STPG2: variants seen among roughly 807,000 people sequenced by gnomAD.
The protein encoded by STPG2 is sperm-tail PG-rich repeat-containing protein 2.
STPG2 carries 56 observed loss-of-function variants against 54.2 expected under a neutral mutation model. That is an observed-to-expected ratio of 1.03 (90% CI 0.83 to 1.29). The LOEUF (loss-of-function observed/expected upper bound fraction) is 1.29, where lower values mean the gene tolerates loss of function less well. Ranked by LOEUF, STPG2 falls within the 50% of genes most tolerant of loss-of-function variation. The probability of loss-of-function intolerance (pLI) is 0.00; values close to 1 mark genes in which losing one functional copy is unlikely to be tolerated. For missense variants in STPG2, 596 were observed against 544.9 expected, an observed-to-expected ratio of 1.09 and a Z score of -0.93; for synonymous variants, 200 against 181.8, an observed-to-expected ratio of 1.10 and a Z score of -0.81.
intron 10 of STPG2, among the ~76,000 whole-genome samples, chr4:97,671,271 A>G (rs1344406249): frequency 3.3e-5 from 5 of 152,228 alleles, no homozygotes; most frequent in African/African-American, 7.2e-5. Flanking sequence ...TGTCATATAT[A>G]TCTACCAATA....
intron 5 of STPG2, among the ~76,000 whole-genome samples, chr4:98,104,755 G>A (rs1230110877): frequency 1.3e-5 from 2 of 152,158 alleles, no homozygotes; most frequent in Admixed American, 6.5e-5. Context: ...GAGCATATAT[G>A]TAATTAGAGG....
intron 7 of STPG2, among the ~76,000 whole-genome samples, chr4:97,964,146 C>A (rs1324509711): frequency 6.6e-6 from 1 of 152,178 alleles, no homozygotes; most frequent in East Asian, 1.9e-4. Flanking sequence ...GAGTCAGAGA[C>A]AAAGGACTTT....
intron 4 of STPG2, among the ~76,000 whole-genome samples, chr4:97,504,929 G>A (rs1730813171): frequency 1.3e-5 from 2 of 151,994 alleles, no homozygotes; most frequent in South Asian, 2.1e-4. Flanking sequence ...GTACAGACAA[G>A]GCAAGCTCAA....
chr4:97,937,764 T>C (rs1732800632), intron 8 of STPG2, among the ~76,000 whole-genome samples: 1 of 152,174 alleles, frequency 6.6e-6, no homozygotes, highest in South Asian at 2.1e-4. Flanking sequence ...CTCTTTCCTC[T>C]GGGATCTCTG....
intron 8 of STPG2, among the ~76,000 whole-genome samples, chr4:97,913,633 T>A (rs949358097): frequency 1.3e-5 from 2 of 152,124 alleles, no homozygotes; most frequent in African/African-American, 4.8e-5. Flanking sequence ...CCAAGGGTCA[T>A]CAGTAGTGGA....
chr4:98,102,790 A>G (rs1739081738), intron 5 of STPG2, among the ~76,000 whole-genome samples: 1 of 149,192 alleles, frequency 6.7e-6, no homozygotes. Flanking sequence ...GAGGCATTGA[A>G]TATTATATAT....
rs568565418 is a variant in STPG2 at position 97,938,745 on chromosome 4, C to T, written c.1044+5152G>A. Among the ~76,000 whole-genome samples the T allele has an allele frequency of 2.6e-5, 4 of 152,250 alleles. No individual in the cohort carries two copies. The South Asian group carries it at 6.2e-4, about 24-fold the overall frequency. ...CATGTGGCTCTCAGGTGGGCCGACA[C>T]ACCACCCTGCTTTTCATTGCTCTCC... On this transcript the variant is annotated intron_variant, in intron 8 of 10. Transcript: ENST00000295268.
Position 98,105,984 on chromosome 4 carries a change from T to C in STPG2, c.581A>G (p.Tyr194Cys). ...QNYCSFIPRL[Y>C]EIIVLQEKKK... ...TTTCTCCTGCAATACTATTATTTCA[T>C]ATAGTCGTGGGATAAATGAACAATA... The change falls in exon 5 of 11, where the codon TAT becomes TGT. Residue 194 changes from tyrosine to cysteine, a missense_variant. Physicochemically the swap from Tyr to Cys is radical, Grantham distance 194 (BLOSUM62 -2). Coordinates refer to ENST00000295268, the MANE Select transcript of STPG2 (RefSeq NM_174952.3). 2.5e-6 allele frequency: 4 copies of C among 1,568,632 alleles called. No individual in the cohort carries two copies. The South Asian group carries it at 4.5e-5, about 18-fold the overall frequency.
intron 7 of STPG2, among the ~76,000 whole-genome samples, chr4:97,954,539 A>G (rs897169826): frequency 6.6e-6 from 1 of 152,224 alleles, no homozygotes; most frequent in Admixed American, 6.5e-5. Context: ...AAACTGAAAT[A>G]CAGAGGCATC....
chr4:98,049,727 T>C (rs1737254126), intron 5 of STPG2, among the ~76,000 whole-genome samples: 1 of 149,350 alleles, frequency 6.7e-6, no homozygotes, highest in South Asian at 2.2e-4. Context: ...ATTTATAGGC[T>C]ATGGCCATTC....
At chr4:97,996,146 CA>C (rs1735201231) in intron 5 of STPG2, among the ~76,000 whole-genome samples, 1 of 151,994 alleles carries the variant, frequency 6.6e-6, no homozygotes. Context: ...TAATTCTAAG[CA>C]AAAAGAACAA....
At chr4:97,911,400 C>G (rs1024705868) in intron 8 of STPG2, among the ~76,000 whole-genome samples, 3 of 152,188 alleles carry the variant, frequency 2.0e-5, no homozygotes, top group Non-Finnish European at 2.9e-5. Flanking sequence ...GAACTCCAGA[C>G]GCCCAGTGGC....
At chr4:98,125,886 G>C (rs1739816080) in intron 3 of STPG2, among the ~76,000 whole-genome samples, 1 of 152,170 alleles carries the variant, frequency 6.6e-6, no homozygotes, top group South Asian at 2.1e-4. Flanking sequence ...ATTCCCATGG[G>C]GAGGCCCTGA....
chr4:97,826,261 C>G (rs943545328), intron 9 of STPG2, among the ~76,000 whole-genome samples: 1 of 152,164 alleles, frequency 6.6e-6, no homozygotes, highest in Non-Finnish European at 1.5e-5. Flanking sequence ...GTAGAATGTA[C>G]TTTTGGTAAA....
Position 97,741,949 on chromosome 4 carries a change from G to T in STPG2, c.1205-29135C>A, listed in dbSNP as rs576729031. ...TTGTGGCACTATTCACAATAGCAAG[G>T]ACTTGGAACCAACCCAAATGTCCAA... On this transcript the variant is annotated intron_variant, in intron 9 of 10. Transcript: ENST00000295268. Among the ~76,000 whole-genome samples, 641 of 152,224 alleles carry T rather than the reference G, an allele frequency of 4.2e-3. 3 individuals are homozygous for T. The highest frequency in any genetic ancestry group is 0.024 in the South Asian group (116 of 4,816).
chr4:98,092,753 T>C (rs2110127934), intron 5 of STPG2, among the ~76,000 whole-genome samples: 1 of 152,172 alleles, frequency 6.6e-6, no homozygotes, highest in African/African-American at 2.4e-5. Context: ...TAACATCTTT[T>C]AATATAACTT....
chr4:97,949,459 G>C (rs956556727), intron 7 of STPG2, among the ~76,000 whole-genome samples: 16 of 152,026 alleles, frequency 1.1e-4, no homozygotes, highest in African/African-American at 3.4e-4. Context: ...CATGTGAATT[G>C]TTACTTACTT....
At chr4:97,749,511 T>C (rs1459148985) in intron 9 of STPG2, among the ~76,000 whole-genome samples, 4 of 151,710 alleles carry the variant, frequency 2.6e-5, no homozygotes, top group African/African-American at 7.3e-5. Flanking sequence ...ATAAATGAAA[T>C]AGAATAATTT....
At chr4:97,878,181 G>A (rs1730245258) in intron 8 of STPG2, among the ~76,000 whole-genome samples, 1 of 152,158 alleles carries the variant, frequency 6.6e-6, no homozygotes, top group Non-Finnish European at 1.5e-5. Context: ...TCCCTCCCAG[G>A]TGCTTTCACT....
Sources: gnomAD v4.1 joint callset for allele counts (sites outside exome capture counted in the v4.1 genomes callset) on GRCh38, gnomAD v4.1.1 for gene constraint, MANE v1.5 for transcripts, NCBI Gene and HGNC (gene_info 2026-07-23, HGNC 2026-07-21) for gene names.